MMS19: variants seen among roughly 807,000 people sequenced by gnomAD.
The protein encoded by MMS19 is MMS19 cytosolic iron-sulfur assembly component.
In MMS19, 77 loss-of-function variants were observed where a neutral mutation model predicts 129.8. That is an observed-to-expected ratio of 0.59 (90% CI 0.49 to 0.72). The LOEUF (loss-of-function observed/expected upper bound fraction) is 0.72, where lower values mean the gene tolerates loss of function less well. MMS19 is among the 30% of genes least tolerant of loss of function. The pLI is 0.00. For synonymous variants in MMS19, 491 were observed against 502.8 expected, an observed-to-expected ratio of 0.98 and a Z score of 0.31; for missense variants, 1,168 against 1,266.3, an observed-to-expected ratio of 0.92 and a Z score of 1.18.
intron 14 of MMS19, 80 bp from the exon 15 acceptor site, chr10:97,466,981 C>T: frequency 1.3e-6 from 2 of 1,557,536 alleles, no homozygotes; most frequent in East Asian, 2.3e-5. Flanking sequence ...CACAGCCAAC[C>T]TGGGGTAGAT....
At chr10:97,462,811 C>T in intron 19 of MMS19, 129 bp from the exon 20 acceptor site, 2 of 712,700 alleles carry the variant, frequency 2.8e-6, no homozygotes, top group Admixed American at 2.2e-5. Flanking sequence ...TTAATCTGGT[C>T]TCTGGTAGTG....
chr10:97,458,877 C>G lies in MMS19; in HGVS notation c.2988G>C (p.Val996=). The stretch of plus-strand genomic sequence containing the variant: ...CCAGGGGTTTGGCTAAGGCCCGAAT[C>G]ACCTGTGGTTTGTACGGCAGCAGCT... ...TPVLLPYKPQ[V]IRALAKPLDD... is the part of the protein sequence containing the mutation. Residue 996 remains valine, a synonymous_variant, in exon 30 of 31, where the codon GTG becomes GTC. Coordinates refer to ENST00000438925, the MANE Select transcript of MMS19 (RefSeq NM_022362.5). The G allele has an allele frequency of 6.2e-7, 1 of 1,614,040 alleles. No homozygotes were observed. The highest frequency in any genetic ancestry group is 8.5e-7 in the Non-Finnish European group (1 of 1,179,888).
At chr10:97,497,107 G>C (rs906312318) in intron 1 of MMS19, among the ~76,000 whole-genome samples, 2 of 152,130 alleles carry the variant, frequency 1.3e-5, no homozygotes, top group African/African-American at 4.8e-5. Flanking sequence ...GCAGCACCAG[G>C]TATTTGCTCC....
In MMS19 at chr10:97,466,064, C is replaced by A. The variant is rs773362714; in HGVS notation, c.1601G>T (p.Arg534Leu). ...HLVPKLAEELRVGESNLTNGD... is the reference protein window; with the variant it reads ...HLVPKLAEELLVGESNLTNGD... Reference sequence around the variant, plus strand: ...AGAGGATTAGAGACACATACCTACACGCAGCTCCTCAGCGAGCTTGGGTAC... The same window carrying A: ...AGAGGATTAGAGACACATACCTACAAGCAGCTCCTCAGCGAGCTTGGGTAC... The change falls in exon 17 of 31, where the codon CGT (arginine) becomes CTT (leucine). Residue 534 changes from arginine to leucine, a missense_variant. Around this residue, in one of 3 missense-constraint regions of MMS19, gnomAD observed 831 missense variants for 910.8 expected, o/e 0.91. Coordinates refer to ENST00000438925, the MANE Select transcript of MMS19 (RefSeq NM_022362.5). The A allele has an allele frequency of 1.2e-6, 2 of 1,613,732 alleles. No individual in the cohort carries two copies. Among genetic ancestry groups the A allele is most frequent in the Non-Finnish European group, 1.7e-6 (2 of 1,179,752 alleles).
chr10:97,459,993 G>A, intron 26 of MMS19, 53 bp downstream of exon 26: 1 of 1,570,814 alleles, frequency 6.4e-7, no homozygotes, highest in Non-Finnish European at 8.7e-7. Flanking sequence ...AGGGAATGTG[G>A]CCAAGCAAAG....
Position 97,458,480 on chromosome 10 carries a change from G to T in MMS19, c.*212C>A, listed in dbSNP as rs112855813. 105 of 565,034 alleles carry T rather than the reference G, an allele frequency of 1.9e-4. No homozygotes were observed. The highest frequency in any genetic ancestry group is 1.7e-3 in the African/African-American group (93 of 53,352). The allele number at this position is 565,034 out of a possible 1,614,324, so 35.0% of individuals were successfully genotyped here. On this transcript the variant is annotated 3_prime_UTR_variant, in exon 31 of 31. Transcript: ENST00000438925. Reference sequence around the variant, plus strand: ...CAGGACCCTAGATCTTTCTTCAAACGCAAGTGTCTCACACACACTTATTTT... The same window carrying T: ...CAGGACCCTAGATCTTTCTTCAAACTCAAGTGTCTCACACACACTTATTTT...
chr10:97,466,605 T>C lies in MMS19; in HGVS notation c.1424-20A>G, dbSNP rs780181166. The stretch of plus-strand genomic sequence containing the variant: ...GGAGATCTGTAGTTAGAAGGGAACA[T>C]GAATCTCATCTTTCTTCCCCTGCAG... On this transcript the variant is annotated intron_variant, in intron 15 of 30. Coordinates refer to ENST00000438925, the MANE Select transcript of MMS19 (RefSeq NM_022362.5). 1.2e-6 allele frequency: 2 copies of C among 1,602,452 alleles called. No homozygotes were observed. Among genetic ancestry groups the C allele is most frequent in the Admixed American group, 3.3e-5 (2 of 60,018 alleles).
chr10:97,470,534 ACTCAGACTC>A (rs1313811599), intron 9 of MMS19, among the ~76,000 whole-genome samples: 1 of 152,066 alleles, frequency 6.6e-6, no homozygotes, highest in Non-Finnish European at 1.5e-5. Context: ...GATCCTTTCC[ACTCAGACTC>A]CTCCTGAGTA....
At chr10:97,495,241 G>A (rs909783363) in intron 1 of MMS19, among the ~76,000 whole-genome samples, 2 of 152,174 alleles carry the variant, frequency 1.3e-5, no homozygotes, top group South Asian at 4.1e-4. Flanking sequence ...AAAAAAGGCT[G>A]GGGCCAGGTA....
At chr10:97,497,522 G>GT (rs35797725) in intron 1 of MMS19, among the ~76,000 whole-genome samples, 34,335 of 147,450 alleles carry the variant, frequency 0.23, 4,078 homozygotes, top group Non-Finnish European at 0.27. Context: ...CTTTTTAGTA[G>GT]TTTTTTTTTT....
chr10:97,466,870 C>T lies in MMS19; in HGVS notation c.1329G>A (p.Gln443=), dbSNP rs1165023341. The T allele has an allele frequency of 1.9e-6, 3 of 1,613,896 alleles. No homozygotes were observed. Among genetic ancestry groups the T allele is most frequent in the Non-Finnish European group, 2.5e-6 (3 of 1,179,898 alleles). ...GAGCCATGAATACCAGTGAGCACAG[C>T]TGGTCCTTGAAGCCATTCAGAGGCC... is the stretch of plus-strand genomic sequence containing the variant. The part of the protein sequence containing the change: ...DQRPLNGFKD[Q]LCSLVFMALT... Residue 443 remains glutamine, a synonymous_variant, in exon 15 of 31, where the codon CAG becomes CAA. Coordinates refer to ENST00000438925, the MANE Select transcript of MMS19 (RefSeq NM_022362.5).
intron 10 of MMS19, 87 bp from the exon 11 acceptor site, chr10:97,469,810 A>T: frequency 5.3e-6 from 6 of 1,125,916 alleles, no homozygotes; most frequent in East Asian, 2.4e-5. Context: ...CACCTGAAGG[A>T]GCCCTGGTCT....
At chr10:97,467,985 A>ATT (rs1273199638) in intron 13 of MMS19, among the ~76,000 whole-genome samples, 2 of 145,588 alleles carry the variant, frequency 1.4e-5, no homozygotes, top group Admixed American at 6.9e-5. Flanking sequence ...TTTAAAAAAA[A>ATT]TTTTTTTTTT....
chr10:97,469,655 G>C lies in MMS19; in HGVS notation c.915C>G (p.Ile305Met), dbSNP rs146648604. Residue 305 changes from isoleucine (I) to methionine (M), a missense_variant, in exon 11 of 31, where the codon ATC becomes ATG. Physicochemically the swap from Ile to Met is conservative, Grantham distance 10. Around this residue, in one of 3 missense-constraint regions of MMS19, gnomAD observed 831 missense variants for 910.8 expected, o/e 0.91. Transcript: ENST00000438925. Reference protein sequence around the residue: ...KDFLPSLWASIRREVFQTASE... With the variant: ...KDFLPSLWASMRREVFQTASE... ...TCTGAGTGACACTCACCTCTCTGCG[G>C]ATAGAAGCCCAAAGGCTGGGGAGGA... The C allele has an allele frequency of 3.9e-5, 63 of 1,613,454 alleles. No individual in the cohort carries two copies. The Admixed American group carries it at 7.8e-4, about 20-fold the overall frequency.
At chr10:97,481,271 C>T (rs1315941868) in intron 2 of MMS19, among the ~76,000 whole-genome samples, 1 of 152,098 alleles carries the variant, frequency 6.6e-6, no homozygotes, top group African/African-American at 2.4e-5. Flanking sequence ...CATTTAGAGG[C>T]ACACGTGACA....
intron 7 of MMS19, 30 bp from the exon 8 acceptor site, chr10:97,476,774 T>C (rs1221882466): frequency 1.2e-6 from 2 of 1,613,662 alleles, no homozygotes; most frequent in Admixed American, 3.3e-5. Flanking sequence ...ATGAGGTTGG[T>C]TTATCAGCTT....
intron 1 of MMS19, 88 bp downstream of exon 1, chr10:97,498,185 G>A (rs2040153206): frequency 1.6e-6 from 2 of 1,274,938 alleles, no homozygotes; most frequent in East Asian, 2.6e-5. Context: ...AAGTCACCCC[G>A]CTCCTCCCTT....
At chr10:97,498,128 T>C in intron 1 of MMS19, 145 bp downstream of exon 1, 1 of 695,938 alleles carries the variant, frequency 1.4e-6, no homozygotes, top group Non-Finnish European at 2.4e-6. Context: ...TTGTTACGGC[T>C]CTGAACCTCG....
Position 97,469,722 on chromosome 10 carries a change from T to C in MMS19, c.848A>G (p.Asn283Ser), listed in dbSNP as rs2135317849. Residue 283 changes from asparagine (N) to serine (S), a missense_variant and splice_region_variant, in exon 11 of 31, where the codon AAT becomes AGT. Transcript: ENST00000438925. ...SAKLDSLQTL[N>S]ACCAVYGQKE... is the part of the protein sequence containing the mutation. The stretch of plus-strand genomic sequence containing the variant: ...CTGTCCATACACAGCACAGCAAGCA[T>C]TCTGCCAAGGAAACCGCTGCTATCA... 3 of 1,613,836 alleles carry C rather than the reference T, an allele frequency of 1.9e-6. No individual in the cohort carries two copies. Among genetic ancestry groups the C allele is most frequent in the Non-Finnish European group, 2.5e-6 (3 of 1,179,808 alleles).
Sources: gnomAD v4.1 joint callset for allele counts (sites outside exome capture counted in the v4.1 genomes callset) on GRCh38, gnomAD v4.1.1 for gene constraint, gnomAD v4.1.1 regional missense constraint, MANE v1.5 for transcripts, NCBI Gene and HGNC (gene_info 2026-07-23, HGNC 2026-07-21) for gene names.